Variants in USH2A observed in about 807,000 individuals in gnomAD.
USH2A encodes Usher syndrome 2A (autosomal recessive, mild).
In USH2A, 443 loss-of-function variants were observed where a neutral mutation model predicts 538.9. That is an observed-to-expected ratio of 0.82 (90% CI 0.76 to 0.89). The LOEUF is 0.89. USH2A is among the 40% of genes least tolerant of loss of function. The probability of loss-of-function intolerance (pLI) is 0.00; values close to 1 mark genes in which losing one functional copy is unlikely to be tolerated. For missense variants in USH2A, 6,633 were observed against 6,324.8 expected (o/e 1.05, Z -1.65); for synonymous variants, 2,413 against 2,273.5 (o/e 1.06, Z -1.75).
chr1:215,890,755 C>G (rs981445783), intron 40 of USH2A, among the ~76,000 whole-genome samples: 1 of 152,138 alleles, frequency 6.6e-6, no homozygotes, highest in African/African-American at 2.4e-5. Flanking sequence ...TGCTTGTCAT[C>G]TAGATTTGGC....
At chr1:215,741,290 G>A in intron 60 of USH2A, 85 bp downstream of exon 60, 6 of 1,469,408 alleles carry the variant, frequency 4.1e-6, no homozygotes. Context: ...TTCTCTTATG[G>A]AAATATAAAA....
At chr1:215,797,254 GA>G (rs1335584040) in intron 50 of USH2A, among the ~76,000 whole-genome samples, 2 of 152,000 alleles carry the variant, frequency 1.3e-5, no homozygotes, top group Non-Finnish European at 2.9e-5. Flanking sequence ...TGAGGTTTAA[GA>G]AAAAAAGCCA....
intron 35 of USH2A, among the ~76,000 whole-genome samples, chr1:215,983,107 T>C (rs750397353): frequency 5.3e-5 from 8 of 152,076 alleles, no homozygotes; most frequent in Non-Finnish European, 1.0e-4. Flanking sequence ...CCTGCCACCA[T>C]GCCCAGATAA....
chr1:216,287,935 A>G (rs1055384403), intron 11 of USH2A, among the ~76,000 whole-genome samples: 3 of 152,184 alleles, frequency 2.0e-5, no homozygotes, highest in Non-Finnish European at 4.4e-5. Context: ...TTATGTGACA[A>G]ATACTTATTG....
chr1:216,173,824 T>G (rs1331539705), intron 21 of USH2A: 12 of 393,980 alleles, frequency 3.0e-5, no homozygotes, highest in Non-Finnish European at 4.1e-5. Flanking sequence ...ACGGATGCTA[T>G]TTCTTGGAAG....
chr1:215,960,272 A>T (rs1667166749), intron 37 of USH2A, among the ~76,000 whole-genome samples: 1 of 152,130 alleles, frequency 6.6e-6, no homozygotes, highest in South Asian at 2.1e-4. Context: ...TTATAATTTT[A>T]TAAATAGTTT....
At chr1:215,875,422 T>C (rs1389049193) in intron 43 of USH2A, among the ~76,000 whole-genome samples, 1 of 152,144 alleles carries the variant, frequency 6.6e-6, no homozygotes, top group East Asian at 1.9e-4. Flanking sequence ...TAACACAATT[T>C]TGTTATCTGC....
Position 216,200,059 on chromosome 1 carries a change from T to C in USH2A, c.3379A>G (p.Thr1127Ala), listed in dbSNP as rs1356134411. 6.2e-7 allele frequency: 1 copy of C among 1,613,704 alleles called. No individual in the cohort carries two copies. Among genetic ancestry groups the C allele is most frequent in the Non-Finnish European group, 8.5e-7 (1 of 1,179,814 alleles). ...PYTKYSYYIE[T>A]TNVHGSTRSV... The stretch of plus-strand genomic sequence containing the variant: ...CTTGTTGAACCATGCACATTGGTGG[T>C]CTCAATGTAATAGGAATATTTGGTA... Residue 1127 changes from threonine to alanine, a missense_variant, in exon 17 of 72, where the codon ACC becomes GCC. Transcript: ENST00000307340.
At chr1:216,359,450 G>C (rs1039695792) in intron 4 of USH2A, among the ~76,000 whole-genome samples, 1 of 152,142 alleles carries the variant, frequency 6.6e-6, no homozygotes, top group Admixed American at 6.5e-5. Context: ...CAGACTTAAA[G>C]AGAGTTAATA....
At chr1:216,321,832 A>G in intron 9 of USH2A, 51 bp downstream of exon 9, 1 of 1,472,400 alleles carries the variant, frequency 6.8e-7, no homozygotes, top group Non-Finnish European at 9.5e-7. Flanking sequence ...ATTTATAGTC[A>G]CCATCTCTAC....
intron 38 of USH2A, among the ~76,000 whole-genome samples, chr1:215,921,488 A>G (rs1666098510): frequency 6.6e-6 from 1 of 152,032 alleles, no homozygotes; most frequent in African/African-American, 2.4e-5. Context: ...TTAAAAACCT[A>G]CTAGTTCAAC....
chr1:215,909,093 T>C (rs1665710541), intron 38 of USH2A, among the ~76,000 whole-genome samples: 1 of 151,268 alleles, frequency 6.6e-6, no homozygotes, highest in African/African-American at 2.4e-5. Context: ...TGTGTGTATA[T>C]ATATAATAAT....
chr1:215,636,233 A>G (rs2102631996), intron 69 of USH2A, among the ~76,000 whole-genome samples: 1 of 152,310 alleles, frequency 6.6e-6, no homozygotes, highest in Middle Eastern at 3.4e-3. Flanking sequence ...TCACACTCAC[A>G]CTAGCAGGGA....
chr1:215,907,156 A>G (rs1419427041), intron 38 of USH2A, among the ~76,000 whole-genome samples: 1 of 152,024 alleles, frequency 6.6e-6, no homozygotes, highest in Non-Finnish European at 1.5e-5. Flanking sequence ...TTTTGTTCAC[A>G]TTGAGACATT....
At chr1:216,238,290 C>T (rs1233151001) in intron 13 of USH2A, among the ~76,000 whole-genome samples, 1 of 152,152 alleles carries the variant, frequency 6.6e-6, no homozygotes, top group African/African-American at 2.4e-5. Context: ...GCACTCTCTG[C>T]CTCTAGTTCT....
intron 3 of USH2A, among the ~76,000 whole-genome samples, chr1:216,378,856 T>A (rs1448199460): frequency 6.6e-6 from 1 of 152,182 alleles, no homozygotes; most frequent in African/African-American, 2.4e-5. Context: ...TTTATATTTT[T>A]ATAATTTTTT....
Position 215,629,002 on chromosome 1 carries a change from TCCCA to T in USH2A, c.15327_15330del (p.Gly5110HisfsTer3). ...CGGTTGCTGCGGATACTCACAGGTG[TCCCA>T]GACCGGGGAATTTTGGTATCGGCTA... On this transcript the variant is annotated frameshift_variant, in exon 71 of 72. Transcript: ENST00000307340. LOFTEE classifies it high-confidence loss of function. 1 of 1,613,554 alleles carries T rather than the reference TCCCA, an allele frequency of 6.2e-7. No homozygotes were observed. Among genetic ancestry groups the T allele is most frequent in the Non-Finnish European group, 8.5e-7 (1 of 1,180,032 alleles).
intron 9 of USH2A, among the ~76,000 whole-genome samples, chr1:216,299,223 A>G (rs2037166313): frequency 6.6e-6 from 1 of 152,122 alleles, no homozygotes; most frequent in Non-Finnish European, 1.5e-5. Context: ...GAAGGAAACA[A>G]ATTAAATGCC....
intron 9 of USH2A, among the ~76,000 whole-genome samples, chr1:216,295,001 C>A (rs2037075584): frequency 6.6e-6 from 1 of 151,284 alleles, no homozygotes; most frequent in South Asian, 2.1e-4. Context: ...ATTTCCTTCC[C>A]CTACTTTATT....
Sources: allele counts gnomAD v4.1 joint callset (sites outside exome capture counted in the v4.1 genomes callset), GRCh38; gene constraint gnomAD v4.1.1; transcripts MANE v1.5; gene names NCBI Gene and HGNC (gene_info 2026-07-23, HGNC 2026-07-21).